The following CAMK4 variants were observed in gnomAD, a reference collection of about 807,000 sequenced individuals.
The protein encoded by CAMK4 is calcium/calmodulin-dependent protein kinase type IV.
CAMK4 carries 22 observed loss-of-function variants against 44.9 expected under a neutral mutation model. The ratio of observed to expected loss-of-function variants is 0.49; its 90% CI spans 0.35 to 0.70. The LOEUF (loss-of-function observed/expected upper bound fraction) is 0.70, where lower values mean the gene tolerates loss of function less well. Ranked by LOEUF, CAMK4 falls within the 30% of genes least tolerant of loss-of-function variation. The probability of loss-of-function intolerance (pLI) is 0.01; values close to 1 mark genes in which losing one functional copy is unlikely to be tolerated. For missense variants in CAMK4, 498 were observed against 586.8 expected (o/e 0.85, Z 1.56); for synonymous variants, 218 against 215.4 (o/e 1.01, Z -0.11).
In CAMK4 at chr5:111,468,088, A is replaced by G. The variant is rs186185988; in HGVS notation, c.626-5223A>G. 1.2e-3 allele frequency among the ~76,000 whole-genome samples: 187 copies of G among 152,304 alleles called. 5 individuals carry two copies. In the East Asian group the frequency reaches 0.033, roughly 27 times the overall value. On this transcript the variant is annotated intron_variant, in intron 7 of 10. Coordinates refer to ENST00000282356, the MANE Select transcript of CAMK4 (RefSeq NM_001744.6). ...ACTCAGGAATGGAAAACCAAACATC[A>G]TATGTTCTCCCTCATAAGTGGGAGA... is the stretch of plus-strand genomic sequence containing the variant.
chr5:111,344,141 C>T (rs766314913), intron 2 of CAMK4, 39 bp downstream of exon 2: 3 of 1,213,622 alleles, frequency 2.5e-6, no homozygotes, highest in Non-Finnish European at 3.6e-6. Flanking sequence ...TCTAAGGGGC[C>T]TGTGACCTGG....
intron 1 of CAMK4, among the ~76,000 whole-genome samples, chr5:111,336,703 A>T (rs1749419844): frequency 6.6e-6 from 1 of 151,200 alleles, no homozygotes; most frequent in East Asian, 1.9e-4. Flanking sequence ...TAAGAAATGG[A>T]TGCCATTTAA....
At position 111,244,500 on chromosome 5, in the gene CAMK4, C is replaced by T. The variant is rs1386727419; in HGVS notation, c.161+19856C>T. Among the ~76,000 whole-genome samples, 6 of 152,098 alleles carry T rather than the reference C, an allele frequency of 3.9e-5. No homozygotes were observed. In the South Asian group the frequency reaches 6.2e-4, roughly 16 times the overall value. On this transcript the variant is annotated intron_variant, in intron 1 of 10. Coordinates refer to ENST00000282356, the MANE Select transcript of CAMK4 (RefSeq NM_001744.6). ...GGGGCTGAGATATTCTTTGTCATAC[C>T]TCTTTGAAGATACTAGTTAAATATG...
chr5:111,494,570 C>G lies in CAMK4; in HGVS notation c.*10104C>G, dbSNP rs544128641. On this transcript the variant is annotated 3_prime_UTR_variant, in exon 11 of 11. Transcript: ENST00000282356. The stretch of plus-strand genomic sequence containing the variant: ...CATGGGCTGTCTCAGCTGCCCAAAG[C>G]CTGAGGCAGACCACATGAGAGCTGT... 1.1e-4 allele frequency: 17 copies of G among 151,712 alleles called. No individual in the cohort carries two copies. The highest frequency in any genetic ancestry group is 3.4e-4 in the African/African-American group (14 of 41,202). 9.4% of individuals were successfully genotyped at this position (151,712 alleles called of 1,614,324 possible).
At chr5:111,410,851 T>C (rs896275977) in intron 5 of CAMK4, among the ~76,000 whole-genome samples, 1 of 152,180 alleles carries the variant, frequency 6.6e-6, no homozygotes, top group African/African-American at 2.4e-5. Context: ...CTTCACTGCT[T>C]GACCGTGGAA....
intron 4 of CAMK4, among the ~76,000 whole-genome samples, chr5:111,380,222 G>T (rs1472220670): frequency 5.3e-5 from 8 of 151,918 alleles, no homozygotes; most frequent in African/African-American, 1.9e-4. Context: ...TAAATCAAAA[G>T]TATTTTTTCT....
intron 5 of CAMK4, among the ~76,000 whole-genome samples, chr5:111,443,242 CCATATATATATA>C (rs1365736536): frequency 1.5e-5 from 1 of 65,824 alleles, no homozygotes. Context: ...CCTCCCCCTA[CCATATATATATA>C]TATATATATA....
chr5:111,477,298 T>C (rs996791071), intron 8 of CAMK4, among the ~76,000 whole-genome samples: 1 of 152,236 alleles, frequency 6.6e-6, no homozygotes, highest in African/African-American at 2.4e-5. Context: ...AGTGGGACAT[T>C]CTGTGAGTAA....
At position 111,453,649 on chromosome 5, in the gene CAMK4, AAAAAG is replaced by A. The variant is rs1209745974; in HGVS notation, c.625+4452_625+4456del. Among the ~76,000 whole-genome samples, 5 of 152,190 alleles carry A rather than the reference AAAAAG, an allele frequency of 3.3e-5. No individual in the cohort carries two copies. In the South Asian group the frequency reaches 1.0e-3, roughly 32 times the overall value. On this transcript the variant is annotated intron_variant, in intron 7 of 10. Coordinates refer to ENST00000282356, the MANE Select transcript of CAMK4 (RefSeq NM_001744.6). ...GAGACAGAGGAGAGCCTCAGGAAAA[AAAAAG>A]AAAAGTGTATTAAACTTACATATCC...
chr5:111,273,433 G>C (rs570644204), intron 1 of CAMK4, among the ~76,000 whole-genome samples: 2 of 151,734 alleles, frequency 1.3e-5, no homozygotes, highest in Admixed American at 6.6e-5. Context: ...ATCTGGAAGA[G>C]AGTATAGTAA....
chr5:111,381,955 C>T (rs919929702), intron 4 of CAMK4, among the ~76,000 whole-genome samples: 3 of 147,718 alleles, frequency 2.0e-5, no homozygotes, highest in South Asian at 2.2e-4. Context: ...TCTTCCCAGT[C>T]GAGGCAACCA....
At chr5:111,279,193 C>T (rs1031743785) in intron 1 of CAMK4, among the ~76,000 whole-genome samples, 1 of 152,184 alleles carries the variant, frequency 6.6e-6, no homozygotes, top group Non-Finnish European at 1.5e-5. Context: ...ATTGTATACA[C>T]TGACCTGAGA....
chr5:111,361,646 G>A (rs1750596018), intron 2 of CAMK4, among the ~76,000 whole-genome samples: 3 of 151,978 alleles, frequency 2.0e-5, no homozygotes, highest in Admixed American at 2.0e-4. Flanking sequence ...ACTTAGATGT[G>A]ACCCTGGTGG....
intron 2 of CAMK4, among the ~76,000 whole-genome samples, chr5:111,369,149 T>C (rs1750909890): frequency 2.0e-5 from 3 of 151,662 alleles, no homozygotes; most frequent in Non-Finnish European, 4.4e-5. Context: ...CACTGCAACC[T>C]CCACCTCCTG....
At chr5:111,386,598 C>T (rs1271163529) in intron 4 of CAMK4, among the ~76,000 whole-genome samples, 1 of 152,188 alleles carries the variant, frequency 6.6e-6, no homozygotes, top group Non-Finnish European at 1.5e-5. Context: ...GAAGCAAATG[C>T]ACCAGAGTCA....
At chr5:111,477,995 G>A (rs115540011) in intron 8 of CAMK4, among the ~76,000 whole-genome samples, 3,408 of 151,992 alleles carry the variant, frequency 0.022, 136 homozygotes, top group African/African-American at 0.078. Flanking sequence ...CTGTCTGCCT[G>A]TCTGTCTGTC....
intron 1 of CAMK4, among the ~76,000 whole-genome samples, chr5:111,316,183 T>C (rs536971410): frequency 3.9e-4 from 60 of 152,282 alleles, no homozygotes; most frequent in Non-Finnish European, 7.6e-4. Flanking sequence ...TCTAATCCTT[T>C]TTCTCCAGCC....
intron 7 of CAMK4, chr5:111,449,803 T>C (rs992165319): frequency 2.6e-5 from 4 of 152,244 alleles, no homozygotes; most frequent in Non-Finnish European, 5.9e-5. Flanking sequence ...TTTTGACCCA[T>C]ACTAGCATAA....
chr5:111,360,083 TACA>T (rs1750529075), intron 2 of CAMK4, among the ~76,000 whole-genome samples: 2 of 152,096 alleles, frequency 1.3e-5, no homozygotes, highest in South Asian at 4.1e-4. Flanking sequence ...CTCTATTTTC[TACA>T]ACAGCATTTA....
Sources: allele counts gnomAD v4.1 joint callset (sites outside exome capture counted in the v4.1 genomes callset), GRCh38; gene constraint gnomAD v4.1.1; transcripts MANE v1.5; gene names NCBI Gene and HGNC (gene_info 2026-07-23, HGNC 2026-07-21).